Variants in ERLEC1 observed in about 807,000 individuals in gnomAD.
ERLEC1 encodes endoplasmic reticulum lectin 1.
ERLEC1 carries 47 observed loss-of-function variants against 68.0 expected under a neutral mutation model. The observed-to-expected ratio is 0.69, with a 90% CI of 0.55 to 0.88. The LOEUF (loss-of-function observed/expected upper bound fraction) is 0.88. ERLEC1 is among the 40% of genes least tolerant of loss of function. The pLI, the probability that ERLEC1 is intolerant of heterozygous loss-of-function variation, is 0.00. For synonymous variants in ERLEC1, 225 were observed against 203.2 expected (o/e 1.11, Z -0.91); for missense variants, 567 against 583.8 (o/e 0.97, Z 0.30).
intron 1 of ERLEC1, 66 bp downstream of exon 1, chr2:53,787,438 C>A: frequency 6.6e-7 from 1 of 1,516,364 alleles, no homozygotes; most frequent in Non-Finnish European, 8.8e-7. Context: ...CCTCTTCCCT[C>A]GGTTTTCTTT....
At chr2:53,793,439 C>T (rs760456464) in intron 1 of ERLEC1, among the ~76,000 whole-genome samples, 3 of 152,114 alleles carry the variant, frequency 2.0e-5, no homozygotes, top group Non-Finnish European at 1.5e-5. Flanking sequence ...CATCATCATC[C>T]GTATTTGTTT....
Position 53,794,297 on chromosome 2 carries a change from A to G in ERLEC1, c.163-48A>G, listed in dbSNP as rs944342156. 5 of 806,016 alleles carry G rather than the reference A, an allele frequency of 6.2e-6. No homozygotes were observed. In the Admixed American group the frequency reaches 1.3e-4, roughly 21 times the overall value. 49.9% of individuals were successfully genotyped at this position (806,016 alleles called of 1,614,324 possible). A position where few individuals can be genotyped will look rare whatever the true frequency, so the allele number is the denominator to read the frequency against. On this transcript the variant is annotated intron_variant, in intron 1 of 13. Transcript: ENST00000185150. ...GCTAAGACTAAAGTTATTCAGTGTG[A>G]TACAATTTCACGGAGAACATAATGT...
chr2:53,795,807 AT>A (rs1675662248), intron 2 of ERLEC1, 125 bp from the exon 3 acceptor site: 2 of 633,922 alleles, frequency 3.2e-6, no homozygotes, highest in Non-Finnish European at 2.7e-6. Context: ...CTTGTTAAAC[AT>A]TTTGACTTTT....
At chr2:53,813,208 GTTTTC>G in intron 11 of ERLEC1, 135 bp downstream of exon 11, 2 of 1,064,566 alleles carry the variant, frequency 1.9e-6, no homozygotes, top group Non-Finnish European at 2.7e-6. Context: ...TTTTAGGTTA[GTTTTC>G]TTTTCTTAGG....
intron 8 of ERLEC1, among the ~76,000 whole-genome samples, chr2:53,808,030 A>C (rs984880039): frequency 2.0e-5 from 3 of 152,136 alleles, no homozygotes; most frequent in African/African-American, 7.2e-5. Context: ...ATCTCAAAAA[A>C]AAAAAAAAGA....
chr2:53,793,535 C>A (rs1415822321), intron 1 of ERLEC1, among the ~76,000 whole-genome samples: 1 of 152,066 alleles, frequency 6.6e-6, no homozygotes, highest in Non-Finnish European at 1.5e-5. Context: ...ACTCTCTGGC[C>A]CTTTACAAAA....
At position 53,787,390 on chromosome 2, in the gene ERLEC1, C is replaced by A; in HGVS notation, c.162+18C>A. On this transcript the variant is annotated intron_variant, in intron 1 of 13. Coordinates refer to ENST00000185150, the MANE Select transcript of ERLEC1 (RefSeq NM_015701.5). ...TCTCTCTGGTCAGTGCCCTCACTAA[C>A]CCCGCAGCCACCCCTCCTCCTGACA... 1 of 1,596,500 alleles carries A rather than the reference C, an allele frequency of 6.3e-7. No individual in the cohort carries two copies. Among genetic ancestry groups the A allele is most frequent in the Non-Finnish European group, 8.5e-7 (1 of 1,170,858 alleles).
intron 8 of ERLEC1, among the ~76,000 whole-genome samples, chr2:53,805,704 G>C (rs772647331): frequency 3.9e-5 from 6 of 152,172 alleles, no homozygotes; most frequent in Non-Finnish European, 7.4e-5. Context: ...TCTATTTCTA[G>C]TTTTTTGAGA....
At chr2:53,794,025 T>C (rs899065483) in intron 1 of ERLEC1, among the ~76,000 whole-genome samples, 1 of 152,128 alleles carries the variant, frequency 6.6e-6, no homozygotes, top group African/African-American at 2.4e-5. Context: ...ACACTGGAGA[T>C]TCCAAAAGAC....
chr2:53,797,094 C>T (rs1197264543), intron 3 of ERLEC1, among the ~76,000 whole-genome samples: 1 of 152,124 alleles, frequency 6.6e-6, no homozygotes, highest in Non-Finnish European at 1.5e-5. Flanking sequence ...GGGGTTTTGC[C>T]ATGTTGGCCA....
At chr2:53,809,335 G>T (rs904754518) in intron 10 of ERLEC1, 62 bp downstream of exon 10, 9 of 1,182,140 alleles carry the variant, frequency 7.6e-6, no homozygotes, top group Admixed American at 5.8e-5. Flanking sequence ...AGAATCTGTT[G>T]TAGAAAAAAA....
chr2:53,808,522 G>C, intron 9 of ERLEC1, 62 bp downstream of exon 9: 3 of 1,519,252 alleles, frequency 2.0e-6, no homozygotes, highest in South Asian at 1.2e-5. Context: ...GGTATGGTCA[G>C]TGGGCATCAG....
rs370895718 is a variant in ERLEC1, at chr2:53,814,929, T to G, written c.1374T>G (p.Ile458Met). 6.3e-7 allele frequency: 1 copy of G among 1,576,452 alleles called. No individual in the cohort carries two copies. Among genetic ancestry groups the G allele is most frequent in the South Asian group, 1.2e-5 (1 of 86,344 alleles). ...YMLEPHSCQY[I>M]LGVESPVICK... ...TAGAGCCTCACTCCTGTCAATATATTCTTGGGGTAAGTTAAAAAGAAAATA... is the reference window on the plus strand; with the variant it reads ...TAGAGCCTCACTCCTGTCAATATATGCTTGGGGTAAGTTAAAAAGAAAATA... Residue 458 changes from isoleucine (I) to methionine (M), a missense_variant, in exon 13 of 14, where the codon ATT becomes ATG. Coordinates refer to ENST00000185150, the MANE Select transcript of ERLEC1 (RefSeq NM_015701.5).
At chr2:53,802,181 C>T (rs953477432) in intron 8 of ERLEC1, among the ~76,000 whole-genome samples, 6 of 152,138 alleles carry the variant, frequency 3.9e-5, no homozygotes, top group East Asian at 1.9e-4. Flanking sequence ...AATTCTTCAG[C>T]TCATTGCTGC....
chr2:53,806,505 G>A (rs1158103355), intron 8 of ERLEC1, among the ~76,000 whole-genome samples: 1 of 152,124 alleles, frequency 6.6e-6, no homozygotes, highest in Non-Finnish European at 1.5e-5. Flanking sequence ...TTAATACGCA[G>A]CACCTAAAGT....
rs937010134 is a variant in ERLEC1 at position 53,796,995 on chromosome 2, G to A, written c.349-520G>A. 2.7e-5 allele frequency among the ~76,000 whole-genome samples: 4 copies of A among 149,038 alleles called. No homozygotes were observed. The Admixed American group carries it at 2.7e-4, about 10-fold the overall frequency. ...CAACCTCCGCCTGCCAGGTTCAAGC[G>A]CTTCTTCTGCCTCAGCCTCCCAAGT... On this transcript the variant is annotated intron_variant, in intron 3 of 13. Transcript: ENST00000185150.
At chr2:53,808,238 T>A in intron 8 of ERLEC1, 61 bp from the exon 9 acceptor site, 1 of 1,546,914 alleles carries the variant, frequency 6.5e-7, no homozygotes, top group Admixed American at 2.1e-5. Context: ...ACTTAAGCCA[T>A]AACTGAAAAA....
intron 8 of ERLEC1, among the ~76,000 whole-genome samples, chr2:53,806,343 A>G (rs1676295064): frequency 6.6e-6 from 1 of 152,116 alleles, no homozygotes; most frequent in South Asian, 2.1e-4. Context: ...TATTCTTGCC[A>G]CCTCTTCCCC....
chr2:53,790,477 T>C (rs1573061040), intron 1 of ERLEC1, among the ~76,000 whole-genome samples: 1 of 152,310 alleles, frequency 6.6e-6, no homozygotes, highest in Admixed American at 6.5e-5. Flanking sequence ...CTAACTGAAA[T>C]TGGAAGAGAC....
Sources: gnomAD v4.1 joint callset for allele counts (sites outside exome capture counted in the v4.1 genomes callset) on GRCh38, gnomAD v4.1.1 for gene constraint, MANE v1.5 for transcripts, NCBI Gene and HGNC (gene_info 2026-07-23, HGNC 2026-07-21) for gene names.